Variants in MAGI2 observed in about 807,000 individuals in gnomAD.
MAGI2 encodes membrane-associated guanylate kinase, WW and PDZ domain-containing protein 2.
MAGI2 carries 35 observed loss-of-function variants against 133.3 expected under a neutral mutation model. That is an observed-to-expected ratio of 0.26 (90% CI 0.20 to 0.35). The LOEUF (loss-of-function observed/expected upper bound fraction) is 0.35, where lower values mean the gene tolerates loss of function less well. MAGI2 is among the 10% of genes least tolerant of loss of function. MAGI2 has a pLI of 1.00. For missense variants in MAGI2, 1,636 were observed against 1,863.4 expected, an observed-to-expected ratio of 0.88 and a Z score of 2.25; for synonymous variants, 729 against 710.6, an observed-to-expected ratio of 1.03 and a Z score of -0.41.
chr7:78,170,449 C>T (rs901418379), intron 14 of MAGI2: 24 of 152,216 alleles, frequency 1.6e-4, no homozygotes, highest in Non-Finnish European at 3.1e-4. Context: ...GTACTCCCCT[C>T]ATTAATTCAT....
chr7:79,409,547 C>A lies in MAGI2; in HGVS notation c.301+43473G>T, dbSNP rs139611651. Among the ~76,000 whole-genome samples the A allele has an allele frequency of 4.5e-4, 68 of 151,792 alleles. No individual in the cohort carries two copies. The East Asian group carries it at 0.012, about 28-fold the overall frequency. On this transcript the variant is annotated intron_variant, in intron 1 of 21. Coordinates refer to ENST00000354212, the MANE Select transcript of MAGI2 (RefSeq NM_012301.4). ...AATATTCTATTTACTGAGAACTGAACGGTTATTAAACCAAAGATTGCTATA... is the reference window on the plus strand; with the variant it reads ...AATATTCTATTTACTGAGAACTGAAAGGTTATTAAACCAAAGATTGCTATA...
chr7:79,301,258 A>T (rs1021500626), intron 1 of MAGI2, among the ~76,000 whole-genome samples: 1 of 152,228 alleles, frequency 6.6e-6, no homozygotes, highest in Non-Finnish European at 1.5e-5. Context: ...TGGGCTCTGC[A>T]CCTGGAAAAG....
chr7:78,395,164 C>T (rs778775938), intron 6 of MAGI2, among the ~76,000 whole-genome samples: 5 of 152,018 alleles, frequency 3.3e-5, no homozygotes, highest in Non-Finnish European at 5.9e-5. Context: ...AGATAGGGTC[C>T]TTTAGTGATT....
At chr7:79,135,959 GA>G (rs1267947438) in intron 1 of MAGI2, among the ~76,000 whole-genome samples, 2,170 of 22,838 alleles carry the variant, frequency 0.095, 97 homozygotes, top group African/African-American at 0.13. Context: ...AAGAAAGAAA[GA>G]AAGAAAGAAA....
chr7:79,278,858 T>G (rs530570233), intron 1 of MAGI2, among the ~76,000 whole-genome samples: 2 of 152,254 alleles, frequency 1.3e-5, no homozygotes, highest in Admixed American at 1.3e-4. Flanking sequence ...TTTTTTTTCC[T>G]CATCTGTAAA....
chr7:78,417,131 C>T (rs1798374659), intron 6 of MAGI2, among the ~76,000 whole-genome samples: 1 of 152,040 alleles, frequency 6.6e-6, no homozygotes, highest in African/African-American at 2.4e-5. Flanking sequence ...TGGTAAGTAA[C>T]TAAATAAAGC....
At position 79,053,679 on chromosome 7, in the gene MAGI2, A is replaced by G. The variant is rs1812885945; in HGVS notation, c.302-46473T>C. Among the ~76,000 whole-genome samples the G allele has an allele frequency of 2.0e-5, 3 of 152,230 alleles. No individual in the cohort carries two copies. The South Asian group carries it at 6.2e-4, about 31-fold the overall frequency. ...TAATCATTCTATAAAAATTTGATAT[A>G]TGGCAAAAGAAGCTGATTCCACAGA... On this transcript the variant is annotated intron_variant, in intron 1 of 21. Transcript: ENST00000354212.
intron 2 of MAGI2, among the ~76,000 whole-genome samples, chr7:78,922,217 G>A (rs1452447709): frequency 6.9e-6 from 1 of 145,000 alleles, no homozygotes; most frequent in African/African-American, 2.6e-5. Context: ...TATACTTTAA[G>A]TTTTAGGGTA....
Position 78,018,125 on chromosome 7 carries a change from CAA to C in MAGI2, c.*1188_*1189del, listed in dbSNP as rs1206283906. The C allele has an allele frequency of 6.6e-6, 1 of 151,586 alleles. No individual in the cohort carries two copies. Among genetic ancestry groups the C allele is most frequent in the Non-Finnish European group, 1.5e-5 (1 of 67,912 alleles). The allele number at this position is 151,586 out of a possible 1,614,324, so 9.4% of individuals were successfully genotyped here. A position where few individuals can be genotyped will look rare whatever the true frequency, so the allele number is the denominator to read the frequency against. ...AAGATAAACATCTAGAAGTTGCTAA[CAA>C]AATAAAGTGGCAAGGAATACAAGAC... On this transcript the variant is annotated 3_prime_UTR_variant, in exon 22 of 22. Coordinates refer to ENST00000354212, the MANE Select transcript of MAGI2 (RefSeq NM_012301.4).
intron 9 of MAGI2, among the ~76,000 whole-genome samples, chr7:78,299,476 T>C (rs1584783022): frequency 6.6e-6 from 1 of 152,264 alleles, no homozygotes; most frequent in East Asian, 1.9e-4. Flanking sequence ...GATACAAAAT[T>C]ATAAGCACAG....
chr7:78,696,272 T>G (rs1817506587), intron 2 of MAGI2, among the ~76,000 whole-genome samples: 1 of 152,118 alleles, frequency 6.6e-6, no homozygotes, highest in African/African-American at 2.4e-5. Context: ...ATCACTCAAT[T>G]TTTACAAGTT....
intron 1 of MAGI2, among the ~76,000 whole-genome samples, chr7:79,119,730 C>A (rs892821377): frequency 6.6e-6 from 1 of 151,978 alleles, no homozygotes; most frequent in Admixed American, 6.6e-5. Flanking sequence ...CTGCTTTTTA[C>A]AGGGTTAATC....
rs554010061 is a variant in MAGI2 at position 78,529,668 on chromosome 7, G to GTTTTTTTTTTTTTTTTT, written c.539-8040_539-8024dup. Among the ~76,000 whole-genome samples, 125 of 57,412 alleles carry GTTTTTTTTTTTTTTTTT rather than the reference G, an allele frequency of 2.2e-3. 28 individuals are homozygous for GTTTTTTTTTTTTTTTTT. Among genetic ancestry groups the GTTTTTTTTTTTTTTTTT allele is most frequent in the Non-Finnish European group, 2.6e-3 (74 of 28,722 alleles). The allele number at this position is 57,412 out of a possible 152,430, so 37.7% of individuals were successfully genotyped here. A position where few individuals can be genotyped will look rare whatever the true frequency, so the allele number is the denominator to read the frequency against. Reference sequence around the variant, plus strand: ...TTTCTTTTCCTTGCTAAAGGAGATGGTTTTTTTTTTTTTTTTTTTTTTTTT... The same window carrying GTTTTTTTTTTTTTTTTT: ...TTTCTTTTCCTTGCTAAAGGAGATGGTTTTTTTTTTTTTTTTTTTTTTTTTTTTTTTTTTTTTTTTTT... On this transcript the variant is annotated intron_variant, in intron 3 of 21. Transcript: ENST00000354212.
rs1816399271 is a variant in MAGI2 at position 78,687,044 on chromosome 7, G to A, written c.419-59805C>T. ...ACTCAGTCCAGCGCATTGCATTAGAGTTTAGTTAAAAAGTAAATACTGAAT... is the reference window on the plus strand; with the variant it reads ...ACTCAGTCCAGCGCATTGCATTAGAATTTAGTTAAAAAGTAAATACTGAAT... On this transcript the variant is annotated intron_variant, in intron 2 of 21. Coordinates refer to ENST00000354212, the MANE Select transcript of MAGI2 (RefSeq NM_012301.4). 2.6e-5 allele frequency among the ~76,000 whole-genome samples: 4 copies of A among 152,148 alleles called. No individual in the cohort carries two copies. In the South Asian group the frequency reaches 6.2e-4, roughly 24 times the overall value.
At chr7:79,138,743 A>C (rs1181268390) in intron 1 of MAGI2, among the ~76,000 whole-genome samples, 1 of 152,136 alleles carries the variant, frequency 6.6e-6, no homozygotes, top group African/African-American at 2.4e-5. Flanking sequence ...CGGTGGCTCA[A>C]GCCACCTAAC....
chr7:78,236,730 C>A (rs1295871835), intron 10 of MAGI2, among the ~76,000 whole-genome samples: 1 of 152,032 alleles, frequency 6.6e-6, no homozygotes, highest in African/African-American at 2.4e-5. Context: ...CAGGTTAATA[C>A]AAAATTGATA....
intron 1 of MAGI2, among the ~76,000 whole-genome samples, chr7:79,144,208 C>T (rs1170610323): frequency 6.6e-6 from 1 of 152,130 alleles, no homozygotes; most frequent in Non-Finnish European, 1.5e-5. Context: ...TTAATGTTAC[C>T]TACATAATAT....
intron 2 of MAGI2, among the ~76,000 whole-genome samples, chr7:78,913,081 G>A (rs1488627525): frequency 6.6e-6 from 1 of 152,016 alleles, no homozygotes; most frequent in African/African-American, 2.4e-5. Context: ...AGTGCACAGT[G>A]TTCAGGACAA....
intron 2 of MAGI2, among the ~76,000 whole-genome samples, chr7:78,850,988 T>C (rs181399745): frequency 3.9e-5 from 6 of 152,244 alleles, no homozygotes; most frequent in African/African-American, 1.4e-4. Context: ...CTGGATGTCT[T>C]TTTTGATTGT....
Sources: allele counts gnomAD v4.1 joint callset (sites outside exome capture counted in the v4.1 genomes callset), GRCh38; gene constraint gnomAD v4.1.1; transcripts MANE v1.5; gene names NCBI Gene and HGNC (gene_info 2026-07-23, HGNC 2026-07-21).